CEP57L1: variants seen among roughly 807,000 people sequenced by gnomAD.
CEP57L1 encodes the protein centrosomal protein 57 like 1.
Under a neutral mutation model 61.0 loss-of-function variants are expected in CEP57L1, and 37 were observed. That is an observed-to-expected ratio of 0.61 (90% CI 0.47 to 0.80). The LOEUF (loss-of-function observed/expected upper bound fraction) is 0.80. Ranked by LOEUF, CEP57L1 falls within the 30% of genes least tolerant of loss-of-function variation. CEP57L1 has a pLI of 0.00. For missense variants in CEP57L1, 422 were observed against 524.7 expected, an observed-to-expected ratio of 0.80 and a Z score of 1.91; for synonymous variants, 137 against 162.3, an observed-to-expected ratio of 0.84 and a Z score of 1.19.
chr6:109,151,882 A>G (rs1284653538), intron 4 of CEP57L1, among the ~76,000 whole-genome samples: 1 of 152,074 alleles, frequency 6.6e-6, no homozygotes. Flanking sequence ...GTATTCCTCT[A>G]TGCAGAATGT....
chr6:109,118,180 C>T (rs969783337), intron 1 of CEP57L1, among the ~76,000 whole-genome samples: 4 of 152,080 alleles, frequency 2.6e-5, no homozygotes, highest in African/African-American at 9.7e-5. Flanking sequence ...GAATTACAGG[C>T]GCCCACCACC....
chr6:109,161,546 T>C (rs1773720533), intron 10 of CEP57L1, among the ~76,000 whole-genome samples: 2 of 152,108 alleles, frequency 1.3e-5, no homozygotes, highest in Non-Finnish European at 2.9e-5. Flanking sequence ...CAGAATATTA[T>C]TACTTTTATT....
intron 1 of CEP57L1, among the ~76,000 whole-genome samples, chr6:109,099,983 T>C (rs1782183442): frequency 6.6e-6 from 1 of 152,256 alleles, no homozygotes; most frequent in South Asian, 2.1e-4. Flanking sequence ...ATAATCATTT[T>C]CTCAGAGGTG....
intron 1 of CEP57L1, among the ~76,000 whole-genome samples, chr6:109,102,210 T>A (rs1770389748): frequency 6.6e-6 from 1 of 152,172 alleles, no homozygotes; most frequent in South Asian, 2.1e-4. Flanking sequence ...GTGTTTTTGT[T>A]TTTTAGAGGC....
At chr6:109,128,877 A>C (rs534714309) in intron 1 of CEP57L1, among the ~76,000 whole-genome samples, 1 of 152,268 alleles carries the variant, frequency 6.6e-6, no homozygotes, top group African/African-American at 2.4e-5. Context: ...TTGGTTAGAT[A>C]GCTTATATGT....
chr6:109,116,515 T>C (rs575887797), intron 1 of CEP57L1, among the ~76,000 whole-genome samples: 1 of 152,146 alleles, frequency 6.6e-6, no homozygotes, highest in South Asian at 2.1e-4. Flanking sequence ...AACAGTAGAG[T>C]AGACTAATTG....
intron 1 of CEP57L1, among the ~76,000 whole-genome samples, chr6:109,127,348 A>G (rs1321537053): frequency 6.6e-6 from 1 of 151,976 alleles, no homozygotes; most frequent in Non-Finnish European, 1.5e-5. Flanking sequence ...TTTTTTCTCC[A>G]TCTCATCGTC....
chr6:109,150,161 T>C lies in CEP57L1; in HGVS notation c.384T>C (p.Leu128=), dbSNP rs765725179. ...GCTCAGCCCAGTCTCGTTGTACTCT[T>C]CTAGAGAAGCAACTAGAATATACAA... is the stretch of plus-strand genomic sequence containing the variant. The part of the protein sequence containing the change: ...QLSSAQSRCT[L]LEKQLEYTKR... Residue 128 remains leucine (L), a synonymous_variant, in exon 4 of 11, where the codon CTT becomes CTC. Transcript: ENST00000517392. 6.2e-7 allele frequency: 1 copy of C among 1,610,590 alleles called. No individual in the cohort carries two copies. The highest frequency in any genetic ancestry group is 8.5e-7 in the Non-Finnish European group (1 of 1,177,042).
At chr6:109,125,227 C>G (rs949447227) in intron 1 of CEP57L1, among the ~76,000 whole-genome samples, 2 of 152,118 alleles carry the variant, frequency 1.3e-5, no homozygotes, top group Non-Finnish European at 2.9e-5. Context: ...TGAATATACT[C>G]TGTCTAAAAG....
At chr6:109,129,843 A>C (rs1773981854) in intron 1 of CEP57L1, among the ~76,000 whole-genome samples, 1 of 147,030 alleles carries the variant, frequency 6.8e-6, no homozygotes, top group South Asian at 2.2e-4. Context: ...TTAAAATTTA[A>C]AATTTCTTTA....
chr6:109,142,952 T>G (rs1344846553), intron 1 of CEP57L1, among the ~76,000 whole-genome samples: 261 of 17,404 alleles, frequency 0.015, 4 homozygotes, highest in Non-Finnish European at 0.022. Flanking sequence ...TCTTGCTCTC[T>G]CTCTCTCTCT....
chr6:109,136,402 C>T (rs1770683562), intron 1 of CEP57L1, among the ~76,000 whole-genome samples: 1 of 152,102 alleles, frequency 6.6e-6, no homozygotes, highest in African/African-American at 2.4e-5. Flanking sequence ...ACATCACACA[C>T]CGGGGCCTGT....
chr6:109,159,068 C>G lies in CEP57L1; in HGVS notation c.788C>G (p.Ser263Ter). The G allele has an allele frequency of 6.2e-7, 1 of 1,613,762 alleles. No individual in the cohort carries two copies. The highest frequency in any genetic ancestry group is 1.1e-5 in the South Asian group (1 of 91,046). The change falls in exon 8 of 11, where the codon TCA becomes TGA. Residue 263 changes from serine (S) to a stop codon, truncating the protein, a stop_gained. Coordinates refer to ENST00000517392, the MANE Select transcript of CEP57L1 (RefSeq NM_001271852.3). LOFTEE classifies it high-confidence loss of function. ...AGACGACCACCTTGGCAAATTTGTT[C>G]AAAGTTTGGAGCACTGCCTTTTGTG... ...IKRRPPWQIC[S>*]KFGALPFVAE...
Position 109,174,099 on chromosome 6 carries a change from C to CAA in CEP57L1, c.*11143_*11144dup, listed in dbSNP as rs1298260523. ...TGAGCCATAGAGTGAGTCTTGGTCTCAAAAAAAAAAAAAAACCTTGTGTTG... is the reference window on the plus strand; with the variant it reads ...TGAGCCATAGAGTGAGTCTTGGTCTCAAAAAAAAAAAAAAAAACCTTGTGTTG... On this transcript the variant is annotated 3_prime_UTR_variant, in exon 11 of 11. Transcript: ENST00000517392. Among the ~76,000 whole-genome samples, 8 of 81,888 alleles carry CAA rather than the reference C, an allele frequency of 9.8e-5. No homozygotes were observed. Among genetic ancestry groups the CAA allele is most frequent in the Non-Finnish European group, 1.3e-4 (5 of 38,902 alleles). 53.7% of individuals were successfully genotyped at this position (81,888 alleles called of 152,430 possible). A position where few individuals can be genotyped will look rare whatever the true frequency, so the allele number is the denominator to read the frequency against.
chr6:109,155,223 T>C lies in CEP57L1; in HGVS notation c.580-7T>C. ...ATGTAACAATCTTAGTTTTTACTCT[T>C]TTGCAGGACAAGATTAAACATTTAG... On this transcript the variant is annotated splice_region_variant and splice_polypyrimidine_tract_variant and intron_variant, in intron 5 of 10. Transcript: ENST00000517392. 1 of 1,540,640 alleles carries C rather than the reference T, an allele frequency of 6.5e-7. No individual in the cohort carries two copies. The highest frequency in any genetic ancestry group is 1.9e-5 in the Admixed American group (1 of 52,434).
intron 3 of CEP57L1, 79 bp downstream of exon 3, chr6:109,147,016 A>G: frequency 9.2e-7 from 1 of 1,089,002 alleles, no homozygotes; most frequent in Middle Eastern, 2.0e-4. Flanking sequence ...GTCTAAGCCG[A>G]TGTACTCAGA....
intron 1 of CEP57L1, among the ~76,000 whole-genome samples, chr6:109,136,608 C>T (rs1056173267): frequency 1.2e-4 from 18 of 149,680 alleles, no homozygotes; most frequent in African/African-American, 3.7e-4. Flanking sequence ...TTTGCAAATG[C>T]GGAATTTGAG....
intron 4 of CEP57L1, among the ~76,000 whole-genome samples, chr6:109,151,483 C>G (rs1047661347): frequency 6.6e-6 from 1 of 152,064 alleles, no homozygotes; most frequent in Non-Finnish European, 1.5e-5. Context: ...TCTTATTCCC[C>G]TTTGTGCTAT....
In CEP57L1 at chr6:109,167,867, G is replaced by A. The variant is rs906269576; in HGVS notation, c.*4897G>A. On this transcript the variant is annotated 3_prime_UTR_variant, in exon 11 of 11. Transcript: ENST00000517392. ...ATTGGTATGTTTGACTTGTTCATCA[G>A]TGAGTATTTATTGATCTCTAATTAT... is the stretch of plus-strand genomic sequence containing the variant. Among the ~76,000 whole-genome samples, 1 of 152,212 alleles carries A rather than the reference G, an allele frequency of 6.6e-6. No individual in the cohort carries two copies.
Sources: allele counts gnomAD v4.1 joint callset (sites outside exome capture counted in the v4.1 genomes callset), GRCh38; gene constraint gnomAD v4.1.1; transcripts MANE v1.5; gene names NCBI Gene and HGNC (gene_info 2026-07-23, HGNC 2026-07-21).